Variants in MARCHF4 observed in about 807,000 individuals in gnomAD.
The protein encoded by MARCHF4 is E3 ubiquitin-protein ligase MARCHF4.
A neutral mutation model predicts 43.9 loss-of-function variants in MARCHF4; 14 were observed. The observed-to-expected ratio is 0.32, with a 90% CI of 0.21 to 0.50. The LOEUF is 0.50. Ranked by LOEUF, MARCHF4 falls within the 20% of genes least tolerant of loss-of-function variation. The pLI is 0.98. For synonymous variants in MARCHF4, 226 were observed against 213.3 expected (o/e 1.06, Z -0.52); for missense variants, 468 against 536.7 (o/e 0.87, Z 1.27).
intron 1 of MARCHF4, among the ~76,000 whole-genome samples, chr2:216,293,045 T>G (rs1295497026): frequency 6.6e-6 from 1 of 152,212 alleles, no homozygotes; most frequent in Non-Finnish European, 1.5e-5. Flanking sequence ...ACAGGCCGAT[T>G]GGCAAGATGA....
chr2:216,331,546 C>T (rs1467159143), intron 1 of MARCHF4, among the ~76,000 whole-genome samples: 1 of 152,018 alleles, frequency 6.6e-6, no homozygotes, highest in Non-Finnish European at 1.5e-5. Context: ...AAGATTTTGG[C>T]CAATCTCTTC....
chr2:216,333,872 G>A (rs1408986620), intron 1 of MARCHF4, among the ~76,000 whole-genome samples: 1 of 152,090 alleles, frequency 6.6e-6, no homozygotes, highest in Non-Finnish European at 1.5e-5. Context: ...GAATGTGGGG[G>A]AAACTTTTGT....
At chr2:216,281,836 C>A (rs1194348714) in intron 2 of MARCHF4, among the ~76,000 whole-genome samples, 1 of 152,108 alleles carries the variant, frequency 6.6e-6, no homozygotes, top group Non-Finnish European at 1.5e-5. Context: ...CCATATGGAT[C>A]CTTATAGATC....
At chr2:216,319,795 A>G (rs530685115) in intron 1 of MARCHF4, among the ~76,000 whole-genome samples, 5 of 152,248 alleles carry the variant, frequency 3.3e-5, no homozygotes, top group African/African-American at 1.2e-4. Context: ...CCGTCACTCA[A>G]ACTGCCTCCT....
At chr2:216,305,836 T>A (rs1691578164) in intron 1 of MARCHF4, among the ~76,000 whole-genome samples, 1 of 152,204 alleles carries the variant, frequency 6.6e-6, no homozygotes. Flanking sequence ...ACTCAGCCCG[T>A]CGGAGGAATG....
chr2:216,326,893 A>G (rs1692001954), intron 1 of MARCHF4, among the ~76,000 whole-genome samples: 1 of 152,038 alleles, frequency 6.6e-6, no homozygotes. Flanking sequence ...GCACACCAGC[A>G]TGACACATGT....
At chr2:216,358,908 A>G (rs1210162945) in intron 1 of MARCHF4, among the ~76,000 whole-genome samples, 1 of 152,182 alleles carries the variant, frequency 6.6e-6, no homozygotes, top group Non-Finnish European at 1.5e-5. Flanking sequence ...GCTGTGTACC[A>G]TCTGTTGCCC....
At chr2:216,347,508 C>T (rs1335978147) in intron 1 of MARCHF4, among the ~76,000 whole-genome samples, 1 of 152,070 alleles carries the variant, frequency 6.6e-6, no homozygotes, top group East Asian at 1.9e-4. Context: ...CATAGAAGAA[C>T]ACGGTGTTTG....
intron 1 of MARCHF4, among the ~76,000 whole-genome samples, chr2:216,287,836 G>A (rs112501974): frequency 2.6e-5 from 4 of 151,732 alleles, no homozygotes; most frequent in African/African-American, 4.8e-5. Context: ...GGAAACAGCC[G>A]CTTTGTTTTT....
Position 216,283,600 on chromosome 2 carries a change from C to T in MARCHF4, c.646G>A (p.Ala216Thr), listed in dbSNP as rs752554791. ...ELCYYKYHVI[A>T]ISTKNPLQWQ... ...TGCAGAGGATTTTTTGTGCTTATGG[C>T]GATGACGTGGTACTTGTAGTAGCAC... The change falls in exon 2 of 4, where the codon GCC becomes ACC. Residue 216 changes from alanine (A) to threonine (T), a missense_variant. Ala to Thr is a moderately conservative substitution (Grantham distance 58, BLOSUM62 0). Transcript: ENST00000273067. The T allele has an allele frequency of 6.2e-7, 1 of 1,608,666 alleles. No individual in the cohort carries two copies. The highest frequency in any genetic ancestry group is 8.5e-7 in the Non-Finnish European group (1 of 1,175,636).
intron 1 of MARCHF4, among the ~76,000 whole-genome samples, chr2:216,358,919 T>C (rs2105983436): frequency 6.6e-6 from 1 of 152,320 alleles, no homozygotes; most frequent in South Asian, 2.1e-4. Flanking sequence ...TCTGTTGCCC[T>C]GCTCTGGGAC....
intron 3 of MARCHF4, among the ~76,000 whole-genome samples, chr2:216,260,668 G>A (rs1690727444): frequency 6.6e-6 from 1 of 152,210 alleles, no homozygotes; most frequent in South Asian, 2.1e-4. Flanking sequence ...TTGAGCAGAG[G>A]CCAATGGATG....
intron 1 of MARCHF4, among the ~76,000 whole-genome samples, chr2:216,317,385 T>C (rs1691794900): frequency 6.6e-6 from 1 of 151,890 alleles, no homozygotes; most frequent in Admixed American, 6.6e-5. Flanking sequence ...CCAATTTGGG[T>C]GCCCACATGC....
At chr2:216,320,605 C>CTT (rs72375205) in intron 1 of MARCHF4, among the ~76,000 whole-genome samples, 2,894 of 138,448 alleles carry the variant, frequency 0.021, 71 homozygotes, top group South Asian at 0.04. Context: ...GCTATAGCCT[C>CTT]TTTTTCTTTC....
intron 1 of MARCHF4, among the ~76,000 whole-genome samples, chr2:216,301,463 A>G (rs1691492699): frequency 6.6e-6 from 1 of 152,234 alleles, no homozygotes; most frequent in African/African-American, 2.4e-5. Flanking sequence ...GAGGTCTCCA[A>G]ATATAAGCTC....
At chr2:216,301,172 G>A (rs1691487290) in intron 1 of MARCHF4, among the ~76,000 whole-genome samples, 1 of 152,140 alleles carries the variant, frequency 6.6e-6, no homozygotes, top group Non-Finnish European at 1.5e-5. Context: ...GGAAGAGTTG[G>A]TCTGCTCCCC....
intron 1 of MARCHF4, among the ~76,000 whole-genome samples, chr2:216,354,918 T>TCTTC (rs1692465323): frequency 1.1e-4 from 10 of 94,540 alleles, no homozygotes; most frequent in East Asian, 6.1e-4. Context: ...TTTCTTTCTT[T>TCTTC]CTTTCTTTCT....
At position 216,258,661 on chromosome 2, in the gene MARCHF4, G is replaced by C. The variant is rs1437615013; in HGVS notation, c.*651C>G. ...CCACCTGAAATCGGGAGTTCCATTT[G>C]GAAGTTCCTTCAGGAAGGAGACACA... On this transcript the variant is annotated 3_prime_UTR_variant, in exon 4 of 4. Coordinates refer to ENST00000273067, the MANE Select transcript of MARCHF4 (RefSeq NM_020814.3). The C allele has an allele frequency of 6.6e-6, 1 of 152,558 alleles. No individual in the cohort carries two copies. Among genetic ancestry groups the C allele is most frequent in the Non-Finnish European group, 1.5e-5 (1 of 68,084 alleles). 9.5% of individuals were successfully genotyped at this position (152,558 alleles called of 1,614,324 possible).
intron 3 of MARCHF4, among the ~76,000 whole-genome samples, chr2:216,275,294 A>G (rs1470855161): frequency 2.0e-5 from 3 of 152,130 alleles, no homozygotes; most frequent in Non-Finnish European, 4.4e-5. Flanking sequence ...TCAGAGAGAA[A>G]CACCATGAGA....
Sources: gnomAD v4.1 joint callset for allele counts (sites outside exome capture counted in the v4.1 genomes callset) on GRCh38, gnomAD v4.1.1 for gene constraint, MANE v1.5 for transcripts, NCBI Gene and HGNC (gene_info 2026-07-23, HGNC 2026-07-21) for gene names.